SMARCC1: variants seen among roughly 807,000 people sequenced by gnomAD.
SMARCC1 encodes the protein SWI/SNF complex subunit SMARCC1.
Under a neutral mutation model 147.4 loss-of-function variants are expected in SMARCC1, and 43 were observed. The ratio of observed to expected loss-of-function variants is 0.29; its 90% CI spans 0.23 to 0.38. The LOEUF (loss-of-function observed/expected upper bound fraction) is 0.38, where lower values mean the gene tolerates loss of function less well. Ranked by LOEUF, SMARCC1 falls within the 10% of genes least tolerant of loss-of-function variation. SMARCC1 has a pLI of 1.00. For missense variants in SMARCC1, 1,119 were observed against 1,381.1 expected (o/e 0.81, Z 3.01); for synonymous variants, 495 against 484.4 (o/e 1.02, Z -0.29).
At chr3:47,753,485 G>A (rs1045092056) in intron 2 of SMARCC1, among the ~76,000 whole-genome samples, 7 of 151,782 alleles carry the variant, frequency 4.6e-5, no homozygotes, top group African/African-American at 1.4e-4. Flanking sequence ...AGGCCGAGGC[G>A]GGCGGATCAC....
intron 1 of SMARCC1, among the ~76,000 whole-genome samples, chr3:47,778,730 C>T (rs2035008159): frequency 6.6e-6 from 1 of 152,106 alleles, no homozygotes; most frequent in Admixed American, 6.6e-5. Context: ...TGGTGGCTCA[C>T]ACTTGTAAGC....
At chr3:47,780,175 T>TTTG (rs2035027856) in intron 1 of SMARCC1, among the ~76,000 whole-genome samples, 1 of 136,530 alleles carries the variant, frequency 7.3e-6, no homozygotes, top group Non-Finnish European at 1.6e-5. Flanking sequence ...TTTGTTTTTT[T>TTTG]TTTTTTTTTT....
At chr3:47,593,737 T>C (rs527397269) in intron 26 of SMARCC1, among the ~76,000 whole-genome samples, 20 of 152,286 alleles carry the variant, frequency 1.3e-4, no homozygotes, top group Admixed American at 2.6e-4. Context: ...AAGAGGTCTA[T>C]CTAAACAAAG....
intron 24 of SMARCC1, among the ~76,000 whole-genome samples, chr3:47,634,948 C>A (rs1224648967): frequency 6.6e-6 from 1 of 152,170 alleles, no homozygotes; most frequent in Admixed American, 6.5e-5. Flanking sequence ...CCTTCAATCT[C>A]TGCAGTCTTT....
chr3:47,717,597 T>G (rs2034172131), intron 7 of SMARCC1, among the ~76,000 whole-genome samples: 1 of 152,182 alleles, frequency 6.6e-6, no homozygotes, highest in South Asian at 2.1e-4. Flanking sequence ...AGGGTCTCAC[T>G]CTGTTGCCCA....
chr3:47,693,310 GA>G lies in SMARCC1; in HGVS notation c.1166-11del, dbSNP rs145838606. 1.6e-5 allele frequency: 23 copies of G among 1,475,718 alleles called. No individual in the cohort carries two copies. Among genetic ancestry groups the G allele is most frequent in the Non-Finnish European group, 2.1e-5 (22 of 1,060,828 alleles). 91.4% of individuals were successfully genotyped at this position (1,475,718 alleles called of 1,614,324 possible). ...TCTTTCTTTAGGTTCACTAGAAAAA[GA>G]AAAAAAAGAGTTATGTTTATGTGGG... is the stretch of plus-strand genomic sequence containing the variant. On this transcript the variant is annotated splice_polypyrimidine_tract_variant and intron_variant, in intron 11 of 27. Coordinates refer to ENST00000254480, the MANE Select transcript of SMARCC1 (RefSeq NM_003074.4).
rs914920264 is a variant in SMARCC1 at position 47,684,455 on chromosome 3, T to G, written c.1385+1594A>C. Among the ~76,000 whole-genome samples, 87 of 151,582 alleles carry G rather than the reference T, an allele frequency of 5.7e-4. No individual in the cohort carries two copies. The East Asian group carries it at 0.013, about 22-fold the overall frequency. On this transcript the variant is annotated intron_variant, in intron 14 of 27. Coordinates refer to ENST00000254480, the MANE Select transcript of SMARCC1 (RefSeq NM_003074.4). ...TTGGGTAGTAATTTTTTTTTTTTTT[T>G]GGGAGACAGAGTATTGCTCTTGTAG...
chr3:47,768,414 G>T (rs146016773), intron 2 of SMARCC1, among the ~76,000 whole-genome samples: 1 of 152,034 alleles, frequency 6.6e-6, no homozygotes, highest in African/African-American at 2.4e-5. Context: ...TTAAAATCTG[G>T]AACTAAATAA....
At chr3:47,671,633 A>C (rs2033503844) in intron 18 of SMARCC1, among the ~76,000 whole-genome samples, 1 of 152,210 alleles carries the variant, frequency 6.6e-6, no homozygotes, top group South Asian at 2.1e-4. Flanking sequence ...GTAAAAACTA[A>C]AATTTAATTG....
intron 12 of SMARCC1, among the ~76,000 whole-genome samples, chr3:47,691,717 T>C (rs1304987638): frequency 6.6e-6 from 1 of 151,922 alleles, no homozygotes; most frequent in Non-Finnish European, 1.5e-5. Flanking sequence ...ATAACTGTAA[T>C]TGCCAGGCCC....
chr3:47,693,904 C>A (rs1025237111), intron 11 of SMARCC1, among the ~76,000 whole-genome samples: 2 of 152,156 alleles, frequency 1.3e-5, no homozygotes, highest in Non-Finnish European at 2.9e-5. Flanking sequence ...CTCATGCAAT[C>A]CATTCGCATC....
intron 13 of SMARCC1, 90 bp from the exon 14 acceptor site, chr3:47,686,260 T>C (rs1380967880): frequency 2.9e-6 from 3 of 1,029,632 alleles, no homozygotes; most frequent in African/African-American, 3.3e-5. Flanking sequence ...TTAGGTTAAA[T>C]AAAATGAAGC....
intron 8 of SMARCC1, among the ~76,000 whole-genome samples, chr3:47,714,035 T>C (rs1246495588): frequency 1.3e-5 from 2 of 152,218 alleles, no homozygotes; most frequent in African/African-American, 4.8e-5. Flanking sequence ...GAGACTGCTG[T>C]AGAAAACAGC....
chr3:47,710,517 T>C (rs976264030), intron 9 of SMARCC1, among the ~76,000 whole-genome samples, 166 bp downstream of exon 9: 1 of 152,066 alleles, frequency 6.6e-6, no homozygotes, highest in Non-Finnish European at 1.5e-5. Flanking sequence ...GTTTCTGAGA[T>C]GGCTATTACA....
intron 18 of SMARCC1, among the ~76,000 whole-genome samples, chr3:47,671,904 C>T (rs1055403193): frequency 8.6e-5 from 13 of 152,010 alleles, no homozygotes; most frequent in African/African-American, 2.9e-4. Flanking sequence ...TGCATTAGTG[C>T]TACACACTGC....
At chr3:47,714,298 G>C in intron 8 of SMARCC1, 117 bp downstream of exon 8, 1 of 656,752 alleles carries the variant, frequency 1.5e-6, no homozygotes, top group South Asian at 1.8e-5. Flanking sequence ...CGGAGGCGGA[G>C]GTTGCAGTAA....
In SMARCC1 at chr3:47,764,462, T is replaced by C. The variant is rs192840888; in HGVS notation, c.315+8355A>G. ...ATAAATAAATGAAACATCAATCAAA[T>C]AAATAAGTACAATGTCAGTGAACTC... On this transcript the variant is annotated intron_variant, in intron 2 of 27. Transcript: ENST00000254480. Among the ~76,000 whole-genome samples the C allele has an allele frequency of 1.4e-4, 21 of 152,260 alleles. 1 individual carries two copies. The South Asian group carries it at 3.9e-3, about 29-fold the overall frequency.
chr3:47,778,816 G>A (rs1348705482), intron 1 of SMARCC1, among the ~76,000 whole-genome samples: 1 of 151,904 alleles, frequency 6.6e-6, no homozygotes, highest in African/African-American at 2.4e-5. Context: ...GCAAAACCCT[G>A]CCTCTACTGA....
intron 3 of SMARCC1, among the ~76,000 whole-genome samples, chr3:47,740,615 A>G (rs959499082): frequency 1.3e-5 from 2 of 152,080 alleles, no homozygotes; most frequent in East Asian, 3.9e-4. Flanking sequence ...CTGGGATTAT[A>G]GGCATGAGCC....
Sources: gnomAD v4.1 joint callset for allele counts (sites outside exome capture counted in the v4.1 genomes callset) on GRCh38, gnomAD v4.1.1 for gene constraint, MANE v1.5 for transcripts, NCBI Gene and HGNC (gene_info 2026-07-23, HGNC 2026-07-21) for gene names.